The following SLC9A2 variants were observed in gnomAD, a reference collection of about 807,000 sequenced individuals.
SLC9A2 encodes the protein sodium/hydrogen exchanger 2.
SLC9A2 carries 42 observed loss-of-function variants against 71.7 expected under a neutral mutation model. The observed-to-expected ratio is 0.59, with a 90% CI of 0.46 to 0.76. The LOEUF is 0.76. SLC9A2 is among the 30% of genes least tolerant of loss of function. The probability of loss-of-function intolerance (pLI) is 0.00; values close to 1 mark genes in which losing one functional copy is unlikely to be tolerated. For synonymous variants in SLC9A2, 396 were observed against 392.5 expected, an observed-to-expected ratio of 1.01 and a Z score of -0.10; for missense variants, 829 against 1,017.4, an observed-to-expected ratio of 0.81 and a Z score of 2.52.
intron 2 of SLC9A2, 120 bp from the exon 3 acceptor site, chr2:102,664,980 C>T: frequency 1.9e-6 from 2 of 1,032,474 alleles, no homozygotes. Flanking sequence ...TTGTCATTTT[C>T]CTACTTGGGT....
intron 6 of SLC9A2, 95 bp from the exon 7 acceptor site, chr2:102,694,948 A>G: frequency 2.0e-6 from 2 of 1,001,872 alleles, no homozygotes; most frequent in Non-Finnish European, 3.1e-6. Context: ...AGCAAAAGCC[A>G]TGAAGGTCTT....
intron 9 of SLC9A2, 34 bp downstream of exon 9, chr2:102,702,536 A>G (rs1400740077): frequency 7.7e-7 from 1 of 1,297,516 alleles, no homozygotes; most frequent in African/African-American, 1.5e-5. Flanking sequence ...ATATTTACTT[A>G]CCTTTGGCTA....
chr2:102,695,954 T>C (rs912397940), intron 7 of SLC9A2, among the ~76,000 whole-genome samples: 2 of 151,286 alleles, frequency 1.3e-5, no homozygotes, highest in African/African-American at 2.4e-5. Flanking sequence ...TCTTCAAGGA[T>C]CTTAAAGTTG....
At chr2:102,691,614 G>C (rs1196512938) in intron 5 of SLC9A2, among the ~76,000 whole-genome samples, 1 of 152,210 alleles carries the variant, frequency 6.6e-6, no homozygotes, top group Non-Finnish European at 1.5e-5. Context: ...AGCATGATAT[G>C]ACTATTGCAG....
chr2:102,658,156 G>C, intron 2 of SLC9A2, 129 bp downstream of exon 2: 1 of 641,496 alleles, frequency 1.6e-6, no homozygotes, highest in Non-Finnish European at 2.7e-6. Flanking sequence ...AATTGCCCAG[G>C]GCCCTTCACT....
intron 3 of SLC9A2, among the ~76,000 whole-genome samples, chr2:102,682,720 T>C (rs917645636): frequency 3.3e-5 from 5 of 152,106 alleles, no homozygotes; most frequent in Admixed American, 1.3e-4. Flanking sequence ...AGTGAGTGGG[T>C]CTAAGAGATA....
In SLC9A2 at chr2:102,672,671, T is replaced by G. The variant is rs1335235064; in HGVS notation, c.1004+7321T>G. ...CTTGTGAAAATGAAAAATGTTTCCC[T>G]AGGTCCACATTCGGGGGTTTTATAT... is the stretch of plus-strand genomic sequence containing the variant. On this transcript the variant is annotated intron_variant, in intron 3 of 11. Coordinates refer to ENST00000233969, the MANE Select transcript of SLC9A2 (RefSeq NM_003048.6). Among the ~76,000 whole-genome samples the G allele has an allele frequency of 6.6e-5, 10 of 152,232 alleles. No individual in the cohort carries two copies. In the East Asian group the frequency reaches 1.9e-3, roughly 29 times the overall value.
chr2:102,708,350 T>G lies in SLC9A2; in HGVS notation c.2300T>G (p.Leu767Arg), dbSNP rs768638425. Residue 767 changes from leucine to arginine, a missense_variant, in exon 12 of 12, where the codon CTT becomes CGT. Transcript: ENST00000233969. ...TQTSGLLQQPLLSKDQSGSER... is the reference protein window; with the variant it reads ...TQTSGLLQQPRLSKDQSGSER... ...ACGTCAGGCTTACTACAGCAGCCCCTTCTCTCTAAAGACCAGTCTGGCTCA... is the reference window on the plus strand; with the variant it reads ...ACGTCAGGCTTACTACAGCAGCCCCGTCTCTCTAAAGACCAGTCTGGCTCA... 4.3e-6 allele frequency: 7 copies of G among 1,614,180 alleles called. No individual in the cohort carries two copies. The highest frequency in any genetic ancestry group is 5.9e-6 in the Non-Finnish European group (7 of 1,180,042).
intron 2 of SLC9A2, among the ~76,000 whole-genome samples, chr2:102,664,273 C>CAA (rs879751313): frequency 3.6e-4 from 35 of 98,140 alleles, no homozygotes; most frequent in African/African-American, 1.1e-3. Flanking sequence ...GAGTGAGACT[C>CAA]AAAAAAAAAA....
At chr2:102,684,484 C>A in intron 5 of SLC9A2, 148 bp downstream of exon 5, 1 of 772,354 alleles carries the variant, frequency 1.3e-6, no homozygotes, top group Non-Finnish European at 2.2e-6. Flanking sequence ...GGGTTCATGT[C>A]ACTAGATTGT....
intron 3 of SLC9A2, among the ~76,000 whole-genome samples, chr2:102,671,801 G>C (rs907675718): frequency 6.6e-6 from 1 of 152,118 alleles, no homozygotes; most frequent in Non-Finnish European, 1.5e-5. Flanking sequence ...GAGTTGTATT[G>C]TAAGTTTAAA....
chr2:102,655,210 C>CTTTTT (rs58932567), intron 1 of SLC9A2, among the ~76,000 whole-genome samples: 2 of 138,292 alleles, frequency 1.4e-5, no homozygotes, highest in Non-Finnish European at 1.6e-5. Context: ...TACCCTTATT[C>CTTTTT]TTTTTTTTTT....
intron 1 of SLC9A2, among the ~76,000 whole-genome samples, chr2:102,651,508 C>T (rs755539424): frequency 2.6e-5 from 4 of 152,198 alleles, no homozygotes; most frequent in Non-Finnish European, 5.9e-5. Flanking sequence ...CTATTCAGGG[C>T]TTCACTTCAT....
At chr2:102,662,745 A>G (rs912209156) in intron 2 of SLC9A2, among the ~76,000 whole-genome samples, 1 of 149,808 alleles carries the variant, frequency 6.7e-6, no homozygotes, top group Non-Finnish European at 1.5e-5. Flanking sequence ...TGCAGTCTGA[A>G]GTGTGTTAGA....
chr2:102,711,040 T>C lies in SLC9A2; in HGVS notation c.*2551T>C, dbSNP rs976552745. ...CTAATACTTTTAAAAGCATGTGTTT[T>C]GTGTATATGCTCACAAAATGTCTGT... On this transcript the variant is annotated 3_prime_UTR_variant, in exon 12 of 12. Transcript: ENST00000233969. 3 of 152,362 alleles carry C rather than the reference T, an allele frequency of 2.0e-5. No homozygotes were observed. Among genetic ancestry groups the C allele is most frequent in the African/African-American group, 7.2e-5 (3 of 41,458 alleles). 9.4% of individuals were successfully genotyped at this position (152,362 alleles called of 1,614,324 possible). A position where few individuals can be genotyped will look rare whatever the true frequency, so the allele number is the denominator to read the frequency against.
At position 102,620,086 on chromosome 2, in the gene SLC9A2, AT is replaced by A. The variant is rs762995736; in HGVS notation, c.239del (p.Ile80ThrfsTer28). ...TACGCTGGATTACCCCCACGTGCAG[AT>A]CCCCTTCGAGATCACCCTTTGGATC... is the stretch of plus-strand genomic sequence containing the variant. ...VFTLDYPHVQ[I>X]PFEITLWILL... On this transcript the variant is annotated frameshift_variant, in exon 1 of 12. Coordinates refer to ENST00000233969, the MANE Select transcript of SLC9A2 (RefSeq NM_003048.6). LOFTEE classifies it high-confidence loss of function. The A allele has an allele frequency of 2.5e-6, 4 of 1,613,604 alleles. No homozygotes were observed. Among genetic ancestry groups the A allele is most frequent in the Non-Finnish European group, 3.4e-6 (4 of 1,179,794 alleles).
At chr2:102,677,300 A>G (rs1677361274) in intron 3 of SLC9A2, among the ~76,000 whole-genome samples, 1 of 130,060 alleles carries the variant, frequency 7.7e-6, no homozygotes, top group South Asian at 2.2e-4. Context: ...CCCAGGGGGA[A>G]AAAAAAAACT....
chr2:102,646,651 G>T (rs970173919), intron 1 of SLC9A2, among the ~76,000 whole-genome samples: 3 of 151,692 alleles, frequency 2.0e-5, no homozygotes, highest in Non-Finnish European at 2.9e-5. Context: ...AAAAGCAGGG[G>T]TTGCAATCCT....
At chr2:102,683,184 A>G in intron 3 of SLC9A2, 77 bp from the exon 4 acceptor site, 1 of 935,498 alleles carries the variant, frequency 1.1e-6, no homozygotes, top group South Asian at 1.4e-5. Flanking sequence ...GCCATAATTT[A>G]GCTCTTAAGT....
Sources: gnomAD v4.1 joint callset for allele counts (sites outside exome capture counted in the v4.1 genomes callset) on GRCh38, gnomAD v4.1.1 for gene constraint, MANE v1.5 for transcripts, NCBI Gene and HGNC (gene_info 2026-07-23, HGNC 2026-07-21) for gene names.